IQSEC3: variants seen among roughly 807,000 people sequenced by gnomAD.
The protein encoded by IQSEC3 is IQ motif and SEC7 domain-containing protein 3.
A neutral mutation model predicts 105.4 loss-of-function variants in IQSEC3; 50 were observed. The observed-to-expected ratio is 0.47, with a 90% CI of 0.38 to 0.60. The LOEUF is 0.60. Among genes scored for constraint, IQSEC3 ranks in the 20% least tolerant of loss-of-function variants. The probability of loss-of-function intolerance (pLI) is 0.00; values close to 1 mark genes in which losing one functional copy is unlikely to be tolerated. For missense variants in IQSEC3, 1,415 were observed against 1,630.0 expected, an observed-to-expected ratio of 0.87 and a Z score of 2.27; for synonymous variants, 708 against 746.0, an observed-to-expected ratio of 0.95 and a Z score of 0.83.
intron 3 of IQSEC3, among the ~76,000 whole-genome samples, chr12:126,544 G>GGGGTGT (rs112214510): frequency 2.7e-5 from 4 of 145,732 alleles, no homozygotes; most frequent in African/African-American, 7.7e-5. Flanking sequence ...CTTGATGGAA[G>GGGGTGT]GTGTGTGTGT....
At chr12:165,314 G>A in intron 9 of IQSEC3, 120 bp from the exon 10 acceptor site, 4 of 750,304 alleles carry the variant, frequency 5.3e-6, no homozygotes, top group South Asian at 3.0e-5. Context: ...ATCTGTACCT[G>A]TATGTGCACA....
intron 7 of IQSEC3, among the ~76,000 whole-genome samples, chr12:158,357 A>T (rs188414593): frequency 1.1e-4 from 17 of 152,294 alleles, no homozygotes; most frequent in Admixed American, 5.2e-4. Flanking sequence ...GTATCGATAA[A>T]CCGCAGGCTT....
chr12:102,091 CA>C (rs1864440557), intron 2 of IQSEC3, among the ~76,000 whole-genome samples: 1 of 151,170 alleles, frequency 6.6e-6, no homozygotes, highest in South Asian at 2.1e-4. Flanking sequence ...CCTCCCCCAT[CA>C]GTCTGGCTCC....
intron 1 of IQSEC3, among the ~76,000 whole-genome samples, chr12:87,662 T>G (rs1451512291): frequency 6.6e-6 from 1 of 152,062 alleles, no homozygotes; most frequent in Non-Finnish European, 1.5e-5. Flanking sequence ...AATCATGGTT[T>G]TAGGATGAGA....
At chr12:84,770 G>A (rs1046826409) in intron 1 of IQSEC3, among the ~76,000 whole-genome samples, 1 of 152,212 alleles carries the variant, frequency 6.6e-6, no homozygotes. Context: ...AGCAGTCTAT[G>A]CTAGAAGGTC....
At chr12:155,825 C>T (rs1866665350) in intron 5 of IQSEC3, among the ~76,000 whole-genome samples, 1 of 152,118 alleles carries the variant, frequency 6.6e-6, no homozygotes. Context: ...GTGTCAGGGG[C>T]AGTGCAGGGG....
At position 130,528 on chromosome 12, in the gene IQSEC3, G is replaced by A. The variant is rs1391845554; in HGVS notation, c.903+4616G>A. On this transcript the variant is annotated intron_variant, in intron 3 of 13. Coordinates refer to ENST00000538872, the MANE Select transcript of IQSEC3 (RefSeq NM_001170738.2). Reference sequence around the variant, plus strand: ...ACAGGCCCCATGGAAGTGGCACACAGGGTCTGTGGAGCATGAGGAGGGCAG... The same window carrying A: ...ACAGGCCCCATGGAAGTGGCACACAAGGTCTGTGGAGCATGAGGAGGGCAG... Among the ~76,000 whole-genome samples the A allele has an allele frequency of 2.0e-5, 3 of 152,184 alleles. No homozygotes were observed. In the East Asian group the frequency reaches 5.8e-4, roughly 29 times the overall value.
At chr12:108,450 G>A (rs75061047) in intron 2 of IQSEC3, among the ~76,000 whole-genome samples, 5,099 of 152,306 alleles carry the variant, frequency 0.033, 112 homozygotes, top group South Asian at 0.087. Flanking sequence ...TTCCATCAAT[G>A]ACAGCCTGGA....
At chr12:79,294 G>T (rs1863665833) in intron 1 of IQSEC3, among the ~76,000 whole-genome samples, 2 of 152,110 alleles carry the variant, frequency 1.3e-5, no homozygotes, top group Admixed American at 6.5e-5. Flanking sequence ...AGCCACAGAT[G>T]GGACCTATCA....
intron 1 of IQSEC3, among the ~76,000 whole-genome samples, chr12:97,114 A>G (rs1864262657): frequency 6.6e-6 from 1 of 152,244 alleles, no homozygotes; most frequent in African/African-American, 2.4e-5. Flanking sequence ...GTGAGGCAGA[A>G]TAGCACAGAT....
intron 1 of IQSEC3, among the ~76,000 whole-genome samples, chr12:68,306 T>C (rs1444507131): frequency 6.6e-6 from 1 of 152,178 alleles, no homozygotes; most frequent in Non-Finnish European, 1.5e-5. Context: ...AGTTGGCAGA[T>C]GGAGTTGGTA....
intron 7 of IQSEC3, among the ~76,000 whole-genome samples, chr12:159,981 A>T (rs782277095): frequency 3.8e-4 from 58 of 151,532 alleles, no homozygotes; most frequent in Non-Finnish European, 7.5e-4. Flanking sequence ...TCTCCTACCA[A>T]GTTTTTCATT....
chr12:139,016 G>A lies in IQSEC3; in HGVS notation c.1653G>A (p.Glu551=). 6.6e-7 allele frequency: 1 copy of A among 1,515,040 alleles called. No homozygotes were observed. Among genetic ancestry groups the A allele is most frequent in the Non-Finnish European group, 8.8e-7 (1 of 1,131,310 alleles). The allele number at this position is 1,515,040 out of a possible 1,614,324, so 93.8% of individuals were successfully genotyped here. A position where few individuals can be genotyped will look rare whatever the true frequency, so the allele number is the denominator to read the frequency against. Residue 551 remains glutamate, a synonymous_variant, in exon 4 of 14, where the codon GAG becomes GAA. Transcript: ENST00000538872. The stretch of plus-strand genomic sequence containing the variant: ...TGGGCCGGGAGGACGCGTCAGCCGA[G>A]GACTCATGCGCAGAGGCTGCGGCTA... The part of the protein sequence containing the change: ...PAVGREDASA[E]DSCAEAAASG...
chr12:119,605 A>G lies in IQSEC3; in HGVS notation c.624-6028A>G, dbSNP rs114015574. ...CTCGAGTTCAGAATGTTGACTTTTTACCAGGTGATGCACTTGGGATCAACA... is the reference window on the plus strand; with the variant it reads ...CTCGAGTTCAGAATGTTGACTTTTTGCCAGGTGATGCACTTGGGATCAACA... On this transcript the variant is annotated intron_variant, in intron 2 of 13. Coordinates refer to ENST00000538872, the MANE Select transcript of IQSEC3 (RefSeq NM_001170738.2). 7.8e-3 allele frequency among the ~76,000 whole-genome samples: 1,190 copies of G among 152,204 alleles called. 19 individuals are homozygous for G. The highest frequency in any genetic ancestry group is 0.027 in the African/African-American group (1,112 of 41,516).
intron 1 of IQSEC3, among the ~76,000 whole-genome samples, chr12:79,887 GT>G (rs1203071058): frequency 7.9e-5 from 12 of 152,042 alleles, no homozygotes; most frequent in African/African-American, 2.9e-4. Context: ...TAAGCAAAAT[GT>G]TTATTTCTTT....
intron 1 of IQSEC3, among the ~76,000 whole-genome samples, chr12:93,439 C>A (rs895583658): frequency 3.3e-5 from 5 of 152,148 alleles, no homozygotes; most frequent in Non-Finnish European, 2.9e-5. Flanking sequence ...ACCTTGCCAG[C>A]CCCTGGTGTC....
At chr12:102,113 G>A (rs1864441847) in intron 2 of IQSEC3, among the ~76,000 whole-genome samples, 1 of 145,346 alleles carries the variant, frequency 6.9e-6, no homozygotes, top group African/African-American at 2.6e-5. Flanking sequence ...TCCCCCATCA[G>A]TCTGGCTCCT....
At chr12:157,955 C>T (rs1419125468) in intron 7 of IQSEC3, among the ~76,000 whole-genome samples, 1 of 152,246 alleles carries the variant, frequency 6.6e-6, no homozygotes, top group Non-Finnish European at 1.5e-5. Context: ...ACATGGTTGG[C>T]CTCTAGGCCC....
chr12:119,294 T>C (rs145312652), intron 2 of IQSEC3, among the ~76,000 whole-genome samples: 180 of 152,258 alleles, frequency 1.2e-3, no homozygotes, highest in South Asian at 3.3e-3. Context: ...GGCACTCTTC[T>C]CAGCATATGG....
Sources: allele counts gnomAD v4.1 joint callset (sites outside exome capture counted in the v4.1 genomes callset), GRCh38; gene constraint gnomAD v4.1.1; transcripts MANE v1.5; gene names NCBI Gene and HGNC (gene_info 2026-07-23, HGNC 2026-07-21).